C17orf75: variants seen among roughly 807,000 people sequenced by gnomAD.
The protein encoded by C17orf75 is protein Njmu-R1.
A neutral mutation model predicts 49.6 loss-of-function variants in C17orf75; 32 were observed. The observed-to-expected ratio is 0.65, with a 90% CI of 0.49 to 0.87. The LOEUF (loss-of-function observed/expected upper bound fraction) is 0.87, where lower values mean the gene tolerates loss of function less well. C17orf75 is among the 40% of genes least tolerant of loss of function. C17orf75 has a pLI of 0.00. For missense variants in C17orf75, 428 were observed against 473.9 expected, an observed-to-expected ratio of 0.90 and a Z score of 0.90; for synonymous variants, 158 against 159.5, an observed-to-expected ratio of 0.99 and a Z score of 0.07.
Position 32,335,349 on chromosome 17 carries a change from C to A in C17orf75, c.643G>T (p.Glu215Ter). Reference sequence around the variant, plus strand: ...GCATGTAGCAGAAAGGTAAGCTTTTCCTGAAAGAGAAGAACAACCCTTTGG... The same window carrying A: ...GCATGTAGCAGAAAGGTAAGCTTTTACTGAAAGAGAAGAACAACCCTTTGG... Reference protein sequence around the residue: ...PIQRVVLLFQEKLTFLLHAAL... With the variant: ...PIQRVVLLFQ Residue 215 changes from glutamate (E) to a stop codon, truncating the protein, a stop_gained, in exon 6 of 10, where the codon GAA (glutamate) becomes TAA (stop). Coordinates refer to ENST00000577809, the MANE Select transcript of C17orf75 (RefSeq NM_022344.4). LOFTEE classifies it high-confidence loss of function. 6.2e-7 allele frequency: 1 copy of A among 1,613,882 alleles called. No homozygotes were observed. The highest frequency in any genetic ancestry group is 8.5e-7 in the Non-Finnish European group (1 of 1,179,850).
upstream of C17orf75, among the ~76,000 whole-genome samples, chr17:32,344,916 TAAATAA>T (rs1318630165): frequency 6.6e-6 from 1 of 150,966 alleles, no homozygotes. Context: ...CAAAAAAAAA[TAAATAA>T]AAATAAAAAA....
Position 32,338,318 on chromosome 17 carries a change from G to A in C17orf75, c.381C>T (p.Cys127=), listed in dbSNP as rs2041345636. The change falls in exon 4 of 10, where the codon TGC becomes TGT. Residue 127 remains cysteine, a synonymous_variant. Transcript: ENST00000577809. ...GAAGCAGTTTTTCATTTTGGAAAAG[G>A]CAGTAATAACAACCAACTCGGTAAC... The part of the protein sequence containing the change: ...IPGYRVGCYY[C]LFQNEKLLPE... 1 of 1,610,020 alleles carries A rather than the reference G, an allele frequency of 6.2e-7. No homozygotes were observed. The highest frequency in any genetic ancestry group is 8.5e-7 in the Non-Finnish European group (1 of 1,178,930).
chr17:32,332,997 GAA>G (rs2041291437), intron 9 of C17orf75, among the ~76,000 whole-genome samples: 1 of 152,136 alleles, frequency 6.6e-6, no homozygotes, highest in Non-Finnish European at 1.5e-5. Context: ...TTTTAGTAGA[GAA>G]AGGGTTTTGC....
chr17:32,330,294 C>T lies in C17orf75; in HGVS notation c.*1469G>A, dbSNP rs772690311. On this transcript the variant is annotated 3_prime_UTR_variant, in exon 10 of 10. Transcript: ENST00000577809. ...AAGAAAAGAAATGTGAGTCATGTCC[C>T]GAGGCTTATGTAGAGGAGAAAGCAG... 6.6e-6 allele frequency: 1 copy of T among 152,028 alleles called. No individual in the cohort carries two copies. The highest frequency in any genetic ancestry group is 1.5e-5 in the Non-Finnish European group (1 of 68,010). The allele number at this position is 152,028 out of a possible 1,614,324, so 9.4% of individuals were successfully genotyped here. A position where few individuals can be genotyped will look rare whatever the true frequency, so the allele number is the denominator to read the frequency against.
upstream of C17orf75, among the ~76,000 whole-genome samples, chr17:32,346,945 ATTTC>A (rs374088125): frequency 1.4e-3 from 217 of 151,568 alleles, 1 homozygote; most frequent in Middle Eastern, 6.9e-3. Flanking sequence ...ACAGAATTGT[ATTTC>A]TTTCTTTCTT....
rs777269766 is a variant in C17orf75, at chr17:32,335,327, T to G, written c.665A>C (p.His222Pro). ...LFQEKLTFLLHAALSYTPVEV... is the reference protein window; with the variant it reads ...LFQEKLTFLLPAALSYTPVEV... ...CTCTCATTTGGCAGTACTTACAGCATGTAGCAGAAAGGTAAGCTTTTCCTG... is the reference window on the plus strand; with the variant it reads ...CTCTCATTTGGCAGTACTTACAGCAGGTAGCAGAAAGGTAAGCTTTTCCTG... Residue 222 changes from histidine to proline, a missense_variant, in exon 6 of 10, where the codon CAT becomes CCT. By Grantham distance (77) the His-to-Pro change is moderately conservative (BLOSUM62 -2). Coordinates refer to ENST00000577809, the MANE Select transcript of C17orf75 (RefSeq NM_022344.4). 1 of 1,613,900 alleles carries G rather than the reference T, an allele frequency of 6.2e-7. No individual in the cohort carries two copies. The highest frequency in any genetic ancestry group is 8.5e-7 in the Non-Finnish European group (1 of 1,179,824).
At chr17:32,348,606 G>A (rs2041446795) in intron 1 of C17orf75, among the ~76,000 whole-genome samples, 1 of 152,162 alleles carries the variant, frequency 6.6e-6, no homozygotes. Flanking sequence ...TTTAAGTGCA[G>A]CCAAGATGAA....
chr17:32,329,309 GCC>G lies in C17orf75; in HGVS notation c.*2452_*2453del, dbSNP rs1775648065. The G allele has an allele frequency of 6.6e-6, 1 of 152,112 alleles. No homozygotes were observed. 9.4% of individuals were successfully genotyped at this position (152,112 alleles called of 1,614,324 possible). A position where few individuals can be genotyped will look rare whatever the true frequency, so the allele number is the denominator to read the frequency against. ...TCTCGATCTCCTGACCTCATGATCT[GCC>G]CGCCTAGGCCTCCCAAAGTGCTGGG... is the stretch of plus-strand genomic sequence containing the variant. On this transcript the variant is annotated 3_prime_UTR_variant, in exon 10 of 10. Coordinates refer to ENST00000577809, the MANE Select transcript of C17orf75 (RefSeq NM_022344.4).
chr17:32,338,910 G>T (rs1014572703), intron 3 of C17orf75, among the ~76,000 whole-genome samples: 1 of 152,116 alleles, frequency 6.6e-6, no homozygotes, highest in African/African-American at 2.4e-5. Context: ...GGCCAACATG[G>T]TGAAACCCCA....
intron 2 of C17orf75, among the ~76,000 whole-genome samples, chr17:32,340,571 G>A (rs2041369119): frequency 6.6e-6 from 1 of 151,800 alleles, no homozygotes; most frequent in African/African-American, 2.4e-5. Context: ...CGTGAACCCG[G>A]GAGGCAGAGC....
At chr17:32,342,261 C>A, upstream of C17orf75, 1 of 1,363,294 alleles carries the variant, frequency 7.3e-7, no homozygotes, top group Non-Finnish European at 9.5e-7. Flanking sequence ...CTGGTTTCCC[C>A]GGGTTCGCAG....
chr17:32,335,396 A>G lies in C17orf75; in HGVS notation c.596T>C (p.Phe199Ser). Reference sequence around the variant, plus strand: ...TTGGATTGGGCATACAACATCCTCAAACCAGCTGCTCAGATAGGATTTTAT... The same window carrying G: ...TTGGATTGGGCATACAACATCCTCAGACCAGCTGCTCAGATAGGATTTTAT... Reference protein sequence around the residue: ...SHIKSYLSSWFEDVVCPIQRV... With the variant: ...SHIKSYLSSWSEDVVCPIQRV... The change falls in exon 6 of 10, where the codon TTT (phenylalanine) becomes TCT (serine). Residue 199 changes from phenylalanine (F) to serine (S), a missense_variant. By Grantham distance (155) the Phe-to-Ser change is radical (BLOSUM62 -2). Coordinates refer to ENST00000577809, the MANE Select transcript of C17orf75 (RefSeq NM_022344.4). 6.2e-7 allele frequency: 1 copy of G among 1,613,990 alleles called. No homozygotes were observed. The highest frequency in any genetic ancestry group is 8.5e-7 in the Non-Finnish European group (1 of 1,179,852).
rs560096351 is a variant in C17orf75 at position 32,340,314 on chromosome 17, A to G, written c.222-376T>C. Among the ~76,000 whole-genome samples, 10 of 152,066 alleles carry G rather than the reference A, an allele frequency of 6.6e-5. No homozygotes were observed. In the East Asian group the frequency reaches 1.7e-3, roughly 26 times the overall value. ...CACATTCTTATCTTTTTTATCTTTC[A>G]ACTTTATTGAGGTATAATTGATGAT... On this transcript the variant is annotated intron_variant, in intron 2 of 9. Transcript: ENST00000577809.
At chr17:32,338,394 C>A in intron 3 of C17orf75, 43 bp from the exon 4 acceptor site, 2 of 1,570,628 alleles carry the variant, frequency 1.3e-6, no homozygotes, top group South Asian at 2.3e-5. Flanking sequence ...TTTGGTTACT[C>A]ATGCATCTAT....
In C17orf75 at chr17:32,338,773, G is replaced by A. The variant is rs905247448; in HGVS notation, c.348-422C>T. ...CTGAGGACCTGTATGCTAACTTCACGGTCTGAGTTGAACTAGAATAAAGAG... is the reference window on the plus strand; with the variant it reads ...CTGAGGACCTGTATGCTAACTTCACAGTCTGAGTTGAACTAGAATAAAGAG... On this transcript the variant is annotated intron_variant, in intron 3 of 9. Transcript: ENST00000577809. 3.3e-5 allele frequency among the ~76,000 whole-genome samples: 5 copies of A among 152,106 alleles called. No individual in the cohort carries two copies. In the South Asian group the frequency reaches 8.3e-4, roughly 25 times the overall value.
At chr17:32,338,478 T>C (rs2041347146) in intron 3 of C17orf75, 127 bp from the exon 4 acceptor site, 1 of 862,882 alleles carries the variant, frequency 1.2e-6, no homozygotes, top group Non-Finnish European at 1.7e-6. Flanking sequence ...AACTCAGAGC[T>C]TCCCAGACTT....
chr17:32,348,867 C>CTTTTTTTTTTTTTTTTTTT lies in C17orf75; in HGVS notation c.-7+1074_-7+1075insAAAAAAAAAAAAAAAAAAA, dbSNP rs561014138. The stretch of plus-strand genomic sequence containing the variant: ...CAGCACCTTCACTGACAGCTCCAGT[C>CTTTTTTTTTTTTTTTTTTT]TTTTTTTTTTTTTTTTGAGACGGAG... On this transcript the variant is annotated intron_variant, in intron 1 of 8. Transcript: ENST00000583774. Among the ~76,000 whole-genome samples the CTTTTTTTTTTTTTTTTTTT allele has an allele frequency of 5.5e-5, 6 of 108,848 alleles. 1 individual carries two copies. The highest frequency in any genetic ancestry group is 1.9e-4 in the African/African-American group (5 of 26,514). 71.4% of individuals were successfully genotyped at this position (108,848 alleles called of 152,430 possible).
Position 32,342,131 on chromosome 17 carries a change from G to A in C17orf75, c.9C>T (p.Pro3=), listed in dbSNP as rs371617506. The change falls in exon 1 of 10, where the codon CCC becomes CCT. Residue 3 remains proline, a synonymous_variant. Transcript: ENST00000577809. ...CTCCATCCATCGACTCCTGCAAAGAGGGGAGCATTGCGGCGGCCTCTGAGC... is the reference window on the plus strand; with the variant it reads ...CTCCATCCATCGACTCCTGCAAAGAAGGGAGCATTGCGGCGGCCTCTGAGC... ML[P]SLQESMDGDE... 1.3e-5 allele frequency: 21 copies of A among 1,599,100 alleles called. No individual in the cohort carries two copies. The African/African-American group carries it at 2.3e-4, about 17-fold the overall frequency.
At chr17:32,336,803 C>A (rs1373741783) in intron 5 of C17orf75, among the ~76,000 whole-genome samples, 1 of 152,184 alleles carries the variant, frequency 6.6e-6, no homozygotes, top group Non-Finnish European at 1.5e-5. Flanking sequence ...CAGACGTAGT[C>A]TTGTGAAACT....
Sources: gnomAD v4.1 joint callset for allele counts (sites outside exome capture counted in the v4.1 genomes callset) on GRCh38, gnomAD v4.1.1 for gene constraint, MANE v1.5 for transcripts, NCBI Gene and HGNC (gene_info 2026-07-23, HGNC 2026-07-21) for gene names.